KLF12: variants seen among roughly 807,000 people sequenced by gnomAD.
The protein encoded by KLF12 is Krueppel-like factor 12.
KLF12 carries 9 observed loss-of-function variants against 37.8 expected under a neutral mutation model. The ratio of observed to expected loss-of-function variants is 0.24; its 90% CI spans 0.14 to 0.42. The LOEUF is 0.42. Among genes scored for constraint, KLF12 ranks in the 10% least tolerant of loss-of-function variants. KLF12 has a pLI of 1.00. For missense variants in KLF12, 411 were observed against 516.0 expected (o/e 0.80, Z 1.97); for synonymous variants, 208 against 202.1 (o/e 1.03, Z -0.25).
At chr13:73,959,218 AGGCTAGCAAC>A (rs1890946543) in intron 2 of KLF12, among the ~76,000 whole-genome samples, 1 of 151,764 alleles carries the variant, frequency 6.6e-6, no homozygotes, top group Non-Finnish European at 1.5e-5. Context: ...CCTATTTCTC[AGGCTAGCAAC>A]TGTTCCCTTG....
rs571012449 is a variant in KLF12, at chr13:74,020,808, G to A, written c.-31-25755C>T. On this transcript the variant is annotated intron_variant, in intron 1 of 7. Transcript: ENST00000377669. ...CGGGAGGCTGAGGCAGGAGAATGGC[G>A]TGAACCCGGGAGGCGGAGCTTGCAG... 3.2e-3 allele frequency among the ~76,000 whole-genome samples: 483 copies of A among 151,638 alleles called. 1 individual carries two copies. Among genetic ancestry groups the A allele is most frequent in the Middle Eastern group, 6.8e-3 (2 of 294 alleles).
At chr13:73,914,769 G>A (rs1888738385) in intron 3 of KLF12, among the ~76,000 whole-genome samples, 1 of 152,042 alleles carries the variant, frequency 6.6e-6, no homozygotes, top group South Asian at 2.1e-4. Flanking sequence ...TGGGTGGGGG[G>A]TGATGGGCAG....
intron 5 of KLF12, among the ~76,000 whole-genome samples, chr13:73,779,254 T>C (rs1880813260): frequency 6.6e-6 from 1 of 151,658 alleles, no homozygotes; most frequent in Non-Finnish European, 1.5e-5. Flanking sequence ...CCCTAGAGAG[T>C]TTCAGGTTTT....
intron 1 of KLF12, among the ~76,000 whole-genome samples, chr13:74,125,197 T>TG (rs1263721009): frequency 6.6e-6 from 1 of 151,758 alleles, no homozygotes; most frequent in African/African-American, 2.4e-5. Context: ...ACAGTTTATA[T>TG]TTAAAAAACA....
chr13:73,813,381 A>G (rs11841865), intron 4 of KLF12, 94 bp from the exon 5 acceptor site: 29,431 of 1,338,224 alleles, frequency 0.022, 400 homozygotes, highest in African/African-American at 0.033. Flanking sequence ...TTCTGTGCAT[A>G]TCATGCAAAT....
intron 4 of KLF12, among the ~76,000 whole-genome samples, chr13:73,844,155 TCATGTACA>T (rs1484822449): frequency 5.3e-5 from 8 of 152,178 alleles, no homozygotes; most frequent in South Asian, 2.1e-4. Context: ...TTAGGTTCTA[TCATGTACA>T]CATGTACACA....
intron 2 of KLF12, among the ~76,000 whole-genome samples, chr13:73,944,486 T>C (rs998979467): frequency 1.3e-5 from 2 of 152,248 alleles, no homozygotes; most frequent in Non-Finnish European, 2.9e-5. Context: ...TAAAAATTTA[T>C]AAACTCTCAT....
chr13:74,102,999 G>A (rs1361967884), intron 1 of KLF12, among the ~76,000 whole-genome samples: 2 of 151,168 alleles, frequency 1.3e-5, no homozygotes, highest in Non-Finnish European at 2.9e-5. Context: ...CTGTTTTTTT[G>A]AGGGGGGCAG....
intron 3 of KLF12, among the ~76,000 whole-genome samples, chr13:73,888,510 T>C (rs1887343500): frequency 6.6e-6 from 1 of 152,188 alleles, no homozygotes. Context: ...CATTGTTTCA[T>C]AAAAACTTTT....
intron 1 of KLF12, among the ~76,000 whole-genome samples, chr13:74,102,941 T>C (rs1042810646): frequency 1.3e-5 from 2 of 152,242 alleles, no homozygotes; most frequent in African/African-American, 2.4e-5. Context: ...ATGGATTGGA[T>C]GGTTGTGTCA....
intron 4 of KLF12, among the ~76,000 whole-genome samples, chr13:73,836,407 AT>A (rs1455010406): frequency 6.6e-6 from 1 of 152,178 alleles, no homozygotes. Flanking sequence ...TAAAAAGCCA[AT>A]TTAAAACCGT....
chr13:74,227,086 T>A, the KLF12 span, among the ~76,000 whole-genome samples: 9 of 152,290 alleles, frequency 5.9e-5, no homozygotes, highest in African/African-American at 2.2e-4. Context: ...ATTAATATTA[T>A]TTTTCTTTGA....
At chr13:74,080,020 T>C (rs750108081) in intron 1 of KLF12, among the ~76,000 whole-genome samples, 19 of 152,222 alleles carry the variant, frequency 1.2e-4, no homozygotes, top group Non-Finnish European at 2.5e-4. Flanking sequence ...AGACACATAC[T>C]ATGTACTATT....
intron 3 of KLF12, among the ~76,000 whole-genome samples, chr13:73,869,799 T>C (rs1886378683): frequency 6.6e-6 from 1 of 152,184 alleles, no homozygotes; most frequent in Admixed American, 6.5e-5. Flanking sequence ...TTTAATTTCC[T>C]CTTAAGTAAA....
intron 5 of KLF12, among the ~76,000 whole-genome samples, chr13:73,793,243 T>G (rs2138282407): frequency 6.6e-6 from 1 of 152,294 alleles, no homozygotes; most frequent in Non-Finnish European, 1.5e-5. Flanking sequence ...GCAGAGATGG[T>G]CAGATGTGTG....
intron 6 of KLF12, among the ~76,000 whole-genome samples, chr13:73,746,799 CT>C (rs1329300270): frequency 6.8e-6 from 1 of 147,124 alleles, no homozygotes; most frequent in East Asian, 2.0e-4. Flanking sequence ...AGCCATGCCC[CT>C]CCCTCCCTCC....
intron 5 of KLF12, among the ~76,000 whole-genome samples, chr13:73,786,570 A>T (rs568635217): frequency 6.6e-6 from 1 of 151,998 alleles, no homozygotes; most frequent in Non-Finnish European, 1.5e-5. Flanking sequence ...CTGACATATA[A>T]ATCCTGCCTA....
chr13:74,100,770 C>T (rs1876293629), intron 1 of KLF12, among the ~76,000 whole-genome samples: 1 of 152,024 alleles, frequency 6.6e-6, no homozygotes, highest in Admixed American at 6.6e-5. Flanking sequence ...AATGATACTC[C>T]AAAGTATAGC....
intron 6 of KLF12, among the ~76,000 whole-genome samples, chr13:73,744,286 T>C (rs1878211296): frequency 6.6e-6 from 1 of 152,168 alleles, no homozygotes; most frequent in Non-Finnish European, 1.5e-5. Context: ...ATAGGACAAA[T>C]AACTGAATTT....
Sources: allele counts gnomAD v4.1 joint callset (sites outside exome capture counted in the v4.1 genomes callset), GRCh38; gene constraint gnomAD v4.1.1; transcripts MANE v1.5; gene names NCBI Gene and HGNC (gene_info 2026-07-23, HGNC 2026-07-21).